Variants in FABP12 observed in about 807,000 individuals in gnomAD.
FABP12 encodes fatty acid binding protein 12, also known as fatty acid-binding protein 12.
A neutral mutation model predicts 13.7 loss-of-function variants in FABP12; 19 were observed. The ratio of observed to expected loss-of-function variants is 1.39; its 90% CI spans 0.97 to 2.04. FABP12 has a LOEUF of 2.04. Ranked by LOEUF, FABP12 falls within the 30% of genes most tolerant of loss-of-function variation. The pLI is 0.00. For synonymous variants in FABP12, 61 were observed against 57.0 expected (o/e 1.07, Z -0.32); for missense variants, 182 against 164.2 (o/e 1.11, Z -0.59).
At chr8:81,561,356 A>AT (rs899377336) in intron 1 of FABP12, among the ~76,000 whole-genome samples, 1 of 152,174 alleles carries the variant, frequency 6.6e-6, no homozygotes, top group African/African-American at 2.4e-5. Context: ...GCATAAACTG[A>AT]TTTTTTTCTC....
intron 2 of FABP12, among the ~76,000 whole-genome samples, 157 bp downstream of exon 2, chr8:81,531,086 T>G (rs1030788139): frequency 3.3e-5 from 5 of 152,228 alleles, no homozygotes; most frequent in African/African-American, 1.2e-4. Flanking sequence ...CAACATAGTT[T>G]TGCACAGAAC....
At chr8:81,551,803 C>G (rs1387441641) in intron 1 of FABP12, among the ~76,000 whole-genome samples, 1 of 152,042 alleles carries the variant, frequency 6.6e-6, no homozygotes, top group East Asian at 1.9e-4. Context: ...CCCCTAGTGA[C>G]TTCAATAGGG....
rs141503690 is a variant in FABP12, at chr8:81,539,035, G to C, written c.-59+583C>G. Among the ~76,000 whole-genome samples, 237 of 152,176 alleles carry C rather than the reference G, an allele frequency of 1.6e-3. 1 individual carries two copies. The highest frequency in any genetic ancestry group is 5.2e-3 in the African/African-American group (217 of 41,528). On this transcript the variant is annotated intron_variant, in intron 2 of 5. Coordinates refer to the FABP12 transcript ENST00000692030. ...AGCTAATTTTTGTATTTTTGATAGA[G>C]ATGGGATTATGCCATGTTGGCCAGG... is the stretch of plus-strand genomic sequence containing the variant.
At chr8:81,568,607 G>A (rs895811886) in intron 1 of FABP12, among the ~76,000 whole-genome samples, 1 of 152,180 alleles carries the variant, frequency 6.6e-6, no homozygotes, top group Non-Finnish European at 1.5e-5. Flanking sequence ...ACTACCACAT[G>A]ATGCAGCAAC....
chr8:81,585,779 T>C (rs1810230083), intron 1 of FABP12, among the ~76,000 whole-genome samples: 1 of 152,316 alleles, frequency 6.6e-6, no homozygotes, highest in East Asian at 1.9e-4. Flanking sequence ...TTTTTTTAAA[T>C]AGATCATTAA....
At chr8:81,555,009 C>G (rs950905031) in intron 1 of FABP12, among the ~76,000 whole-genome samples, 2 of 152,082 alleles carry the variant, frequency 1.3e-5, no homozygotes, top group African/African-American at 4.8e-5. Flanking sequence ...TCAGGGCACA[C>G]ACTTTCATGT....
chr8:81,555,209 G>A (rs574795844), intron 1 of FABP12, among the ~76,000 whole-genome samples: 5 of 152,236 alleles, frequency 3.3e-5, no homozygotes, highest in South Asian at 4.1e-4. Context: ...ATAAAACCAC[G>A]GATTTGTTAG....
intron 1 of FABP12, among the ~76,000 whole-genome samples, chr8:81,543,346 C>A (rs578086165): frequency 8.5e-5 from 13 of 152,156 alleles, no homozygotes; most frequent in Admixed American, 2.0e-4. Flanking sequence ...TGTAGAGTAG[C>A]TTTCATGAGA....
At chr8:81,551,622 T>G (rs1326850968) in intron 1 of FABP12, among the ~76,000 whole-genome samples, 1 of 152,182 alleles carries the variant, frequency 6.6e-6, no homozygotes, top group African/African-American at 2.4e-5. Context: ...GGATGTATAT[T>G]GAAGTATATT....
intron 1 of FABP12, among the ~76,000 whole-genome samples, chr8:81,563,107 GA>G (rs1308205582): frequency 6.6e-6 from 1 of 152,204 alleles, no homozygotes; most frequent in Non-Finnish European, 1.5e-5. Context: ...TGAGGGAAAT[GA>G]AGGAGTGAAG....
chr8:81,575,584 T>A, intron 1 of FABP12, among the ~76,000 whole-genome samples: 1 of 145,500 alleles, frequency 6.9e-6, no homozygotes, highest in East Asian at 1.9e-4. Context: ...TTTGTTGCTG[T>A]CTATCTTATT....
At chr8:81,586,920 T>A (rs1810248792) in intron 1 of FABP12, among the ~76,000 whole-genome samples, 1 of 152,186 alleles carries the variant, frequency 6.6e-6, no homozygotes, top group African/African-American at 2.4e-5. Flanking sequence ...ATTTTTATCG[T>A]TTTGGGTTTG....
At chr8:81,550,426 A>G (rs1220351887) in intron 1 of FABP12, among the ~76,000 whole-genome samples, 2 of 152,182 alleles carry the variant, frequency 1.3e-5, no homozygotes, top group Non-Finnish European at 2.9e-5. Context: ...CAGAACTTTC[A>G]TGAGTGGAGA....
At chr8:81,559,076 G>A (rs1809671454) in intron 1 of FABP12, among the ~76,000 whole-genome samples, 2 of 152,104 alleles carry the variant, frequency 1.3e-5, no homozygotes, top group Non-Finnish European at 2.9e-5. Context: ...TTAGAAGAGA[G>A]GTTAGCTACC....
At chr8:81,570,962 A>G (rs1483803138) in intron 1 of FABP12, among the ~76,000 whole-genome samples, 2 of 151,748 alleles carry the variant, frequency 1.3e-5, no homozygotes, top group Non-Finnish European at 2.9e-5. Flanking sequence ...TCTGCCCAGG[A>G]GCCCGTATGC....
At chr8:81,527,596 T>C (rs1808940175) in intron 3 of FABP12, among the ~76,000 whole-genome samples, 1 of 152,152 alleles carries the variant, frequency 6.6e-6, no homozygotes, top group Admixed American at 6.5e-5. Context: ...TCTCCTGACC[T>C]TGTGATCTGC....
chr8:81,544,346 C>T (rs144582357), intron 1 of FABP12, among the ~76,000 whole-genome samples: 1 of 152,202 alleles, frequency 6.6e-6, no homozygotes, highest in Non-Finnish European at 1.5e-5. Context: ...GGGGAAAATT[C>T]GGCCTTGCCT....
intron 1 of FABP12, among the ~76,000 whole-genome samples, chr8:81,545,762 A>G (rs1809424960): frequency 1.3e-5 from 2 of 152,132 alleles, no homozygotes; most frequent in Non-Finnish European, 1.5e-5. Flanking sequence ...AGTTTTTTGG[A>G]CTTAAAGGAC....
intron 1 of FABP12, among the ~76,000 whole-genome samples, chr8:81,548,091 T>G (rs1276993737): frequency 6.6e-6 from 1 of 152,210 alleles, no homozygotes; most frequent in African/African-American, 2.4e-5. Context: ...ACAGTAACTG[T>G]GATTCTCAGT....
Sources: gnomAD v4.1 joint callset for allele counts (sites outside exome capture counted in the v4.1 genomes callset) on GRCh38, gnomAD v4.1.1 for gene constraint, MANE v1.5 for transcripts, NCBI Gene and HGNC (gene_info 2026-07-23, HGNC 2026-07-21) for gene names.